Variants in EVC observed in about 807,000 individuals in gnomAD.
EVC encodes the protein evC complex member EVC.
A neutral mutation model predicts 118.9 loss-of-function variants in EVC; 116 were observed. The ratio of observed to expected loss-of-function variants is 0.98; its 90% confidence interval spans 0.84 to 1.14. The LOEUF (loss-of-function observed/expected upper bound fraction) is 1.14, where lower values mean the gene tolerates loss of function less well. Among genes scored for constraint, EVC ranks in the 50% most tolerant of loss-of-function variants. EVC has a pLI of 0.00. For synonymous variants in EVC, 619 were observed against 534.7 expected (o/e 1.16, Z -2.18); for missense variants, 1,401 against 1,246.4 (o/e 1.12, Z -1.87).
rs1306063979 is a variant in EVC, at chr4:5,798,015, C to A, written c.2098-571C>A. Among the ~76,000 whole-genome samples, 1 of 152,180 alleles carries A rather than the reference C, an allele frequency of 6.6e-6. No individual in the cohort carries two copies. Among genetic ancestry groups the A allele is most frequent in the Non-Finnish European group, 1.5e-5 (1 of 68,030 alleles). On this transcript the variant is annotated intron_variant, in intron 14 of 20. Coordinates refer to ENST00000264956, the MANE Select transcript of EVC (RefSeq NM_153717.3). This position sits in a 1 kb window ranked among gnomAD's most constrained non-coding sequence, Gnocchi z 4.1. The stretch of plus-strand genomic sequence containing the variant: ...CTGGGAGCAGCTGCTGCTCTTTGAC[C>A]CATGAATGAGGCACAAGCCCACAGT...
rs1732323490 is a variant in EVC, at chr4:5,763,115, A to AGCTAGCCAATTTTCCCAGC, written c.1563+6753_1563+6754insGCTAGCCAATTTTCCCAGC. Among the ~76,000 whole-genome samples the AGCTAGCCAATTTTCCCAGC allele has an allele frequency of 5.3e-5, 4 of 75,648 alleles. 1 individual carries two copies. The highest frequency in any genetic ancestry group is 2.3e-4 in the African/African-American group (4 of 17,662). 49.6% of individuals were successfully genotyped at this position (75,648 alleles called of 152,430 possible). A position where few individuals can be genotyped will look rare whatever the true frequency, so the allele number is the denominator to read the frequency against. On this transcript the variant is annotated intron_variant, in intron 11 of 20. Coordinates refer to ENST00000264956, the MANE Select transcript of EVC (RefSeq NM_153717.3). ...GGAAGGCATCCAGTTTCAGCTTTCT[A>AGCTAGCCAATTTTCCCAGC]CATATGGCTAGCCAATTTTCCCAGC...
At chr4:5,810,484 T>C in intron 20 of EVC, 34 bp downstream of exon 20, 1 of 1,549,996 alleles carries the variant, frequency 6.5e-7, no homozygotes, top group East Asian at 2.3e-5. Context: ...TGCCTGTGGC[T>C]GGGTTTGGTA....
intron 13 of EVC, among the ~76,000 whole-genome samples, chr4:5,794,024 C>T (rs991878434): frequency 2.0e-5 from 3 of 151,758 alleles, no homozygotes; most frequent in African/African-American, 7.3e-5. Context: ...CCCATCACCA[C>T]AATCCAAATT....
intron 1 of EVC, among the ~76,000 whole-genome samples, chr4:5,716,126 T>C (rs1198752824): frequency 3.9e-5 from 6 of 152,196 alleles, no homozygotes; most frequent in African/African-American, 1.2e-4. Context: ...TGAGGTTTTA[T>C]AGTGGTAAAA....
intron 15 of EVC, among the ~76,000 whole-genome samples, chr4:5,799,298 A>C (rs1028620679): frequency 3.3e-5 from 5 of 152,184 alleles, no homozygotes; most frequent in African/African-American, 1.2e-4. Context: ...AATAATCATA[A>C]ATAATAGTGA....
rs951586121 is a variant in EVC, at chr4:5,746,926, G to A, written c.940-1222G>A. 6.6e-6 allele frequency among the ~76,000 whole-genome samples: 1 copy of A among 152,144 alleles called. No homozygotes were observed. The highest frequency in any genetic ancestry group is 1.5e-5 in the Non-Finnish European group (1 of 68,028). ...ATGTCATGGACGCCAAGAGAATCAG[G>A]AGTTTGTAAGCAGAGCGGGCTGTGT... On this transcript the variant is annotated intron_variant, in intron 7 of 20. Transcript: ENST00000264956. The surrounding 1 kb of genome is among the most constrained non-coding windows in gnomAD (Gnocchi z 5.8).
At chr4:5,757,148 G>T (rs1414854418) in intron 11 of EVC, among the ~76,000 whole-genome samples, 1 of 152,192 alleles carries the variant, frequency 6.6e-6, no homozygotes, top group Non-Finnish European at 1.5e-5. Context: ...GTGCTAGGAG[G>T]ACTGTGTTTG....
intron 5 of EVC, among the ~76,000 whole-genome samples, chr4:5,736,700 T>C (rs547652103): frequency 2.0e-5 from 3 of 152,300 alleles, no homozygotes; most frequent in Non-Finnish European, 2.9e-5. Context: ...TTTGACGTTA[T>C]GATTGTAATT....
Position 5,798,782 on chromosome 4 carries a change from A to T in EVC, c.2294A>T (p.Asp765Val). Residue 765 changes from aspartate to valine, a missense_variant, in exon 15 of 21, where the codon GAT (aspartate) becomes GTT (valine). Asp to Val is a radical substitution (Grantham distance 152, BLOSUM62 -3). Transcript: ENST00000264956. This position sits in a 1 kb window ranked among gnomAD's most constrained non-coding sequence, Gnocchi z 4.1. ...AATKSRAKDR[D>V]DFKRTLMEAA... ...ACCAAGAGCCGGGCCAAGGACAGGG[A>T]TGACTTCAAGGTATGCACTGACCTC... is the stretch of plus-strand genomic sequence containing the variant. 1 of 1,610,836 alleles carries T rather than the reference A, an allele frequency of 6.2e-7. No individual in the cohort carries two copies. The highest frequency in any genetic ancestry group is 8.5e-7 in the Non-Finnish European group (1 of 1,179,890).
chr4:5,732,363 C>T (rs905346231), intron 4 of EVC, among the ~76,000 whole-genome samples: 1 of 152,234 alleles, frequency 6.6e-6, no homozygotes, highest in African/African-American at 2.4e-5. Flanking sequence ...GCTGCAGAAA[C>T]ACTGGGCTCA....
At position 5,779,973 on chromosome 4, in the gene EVC, T is replaced by G. The variant is rs200272147; in HGVS notation, c.1564-3579T>G. ...TGCCCATTCAGTGTGATATTGGCTG[T>G]GGGTTTGTCATAGATAGCTCTTATT... is the stretch of plus-strand genomic sequence containing the variant. On this transcript the variant is annotated intron_variant, in intron 11 of 20. Coordinates refer to ENST00000264956, the MANE Select transcript of EVC (RefSeq NM_153717.3). Among the ~76,000 whole-genome samples, 844 of 151,890 alleles carry G rather than the reference T, an allele frequency of 5.6e-3. 8 individuals are homozygous for G. Among genetic ancestry groups the G allele is most frequent in the East Asian group, 0.046 (235 of 5,140 alleles).
chr4:5,712,135 C>A (rs541608955), intron 1 of EVC, among the ~76,000 whole-genome samples: 1 of 152,188 alleles, frequency 6.6e-6, no homozygotes, highest in Non-Finnish European at 1.5e-5. Flanking sequence ...TGCAAGTTTG[C>A]AAGTAAACTA....
chr4:5,774,229 T>C (rs1189969608), intron 11 of EVC, among the ~76,000 whole-genome samples: 2 of 151,320 alleles, frequency 1.3e-5, no homozygotes, highest in Non-Finnish European at 2.9e-5. Flanking sequence ...TCTCCCCTCC[T>C]CCTGCTTGCC....
At chr4:5,800,883 C>G (rs1028635046) in intron 15 of EVC, among the ~76,000 whole-genome samples, 2 of 152,212 alleles carry the variant, frequency 1.3e-5, no homozygotes, top group African/African-American at 2.4e-5. Context: ...TGCTCAGGTA[C>G]CTTTCTCAGA....
intron 11 of EVC, among the ~76,000 whole-genome samples, chr4:5,771,322 A>G (rs1176594368): frequency 6.6e-6 from 1 of 152,092 alleles, no homozygotes; most frequent in East Asian, 1.9e-4. Context: ...TTCCATCTTC[A>G]GGGCCGGCTA....
At chr4:5,824,431 T>TC in the EVC span, 2 of 985,328 alleles carry the variant, frequency 2.0e-6, no homozygotes, top group Non-Finnish European at 2.4e-6. Flanking sequence ...ATCAGACACT[T>TC]CCTGAATGGA....
In EVC at chr4:5,808,298, C is replaced by T. The variant is rs767937586; in HGVS notation, c.2659C>T (p.Leu887=). The change falls in exon 18 of 21, where the codon CTG becomes TTG. Residue 887 remains leucine, a synonymous_variant. Coordinates refer to ENST00000264956, the MANE Select transcript of EVC (RefSeq NM_153717.3). ...QQQQAGVMDL[L]EAQLETQLQE... ...GCAGCAGGCAGGAGTCATGGACCTT[C>T]TGGAAGCCCAGCTGGAGACCCAGCT... is the stretch of plus-strand genomic sequence containing the variant. The T allele has an allele frequency of 2.5e-6, 4 of 1,614,078 alleles. No individual in the cohort carries two copies. The South Asian group carries it at 3.3e-5, about 13-fold the overall frequency.
At chr4:5,768,244 A>T (rs1188294033) in intron 11 of EVC, among the ~76,000 whole-genome samples, 2 of 152,134 alleles carry the variant, frequency 1.3e-5, no homozygotes, top group Non-Finnish European at 2.9e-5. Context: ...ACAGGAAATC[A>T]CCAGCATGTT....
At position 5,814,280 on chromosome 4, in the gene EVC, C is replaced by G. The variant is rs2152403382; in HGVS notation, c.*3243C>G. 6.6e-6 allele frequency: 1 copy of G among 152,374 alleles called. No homozygotes were observed. Among genetic ancestry groups the G allele is most frequent in the South Asian group, 2.1e-4 (1 of 4,832 alleles). 9.4% of individuals were successfully genotyped at this position (152,374 alleles called of 1,614,324 possible). On this transcript the variant is annotated 3_prime_UTR_variant, in exon 21 of 21. Coordinates refer to ENST00000264956, the MANE Select transcript of EVC (RefSeq NM_153717.3). ...GAGAGATGATGTATTATGATGAACT[C>G]ATGATTTAATTCTTTGGTGAAAATA...
Sources: allele counts gnomAD v4.1 joint callset (sites outside exome capture counted in the v4.1 genomes callset), GRCh38; gene constraint gnomAD v4.1.1; non-coding constraint Gnocchi (gnomAD v3.1); transcripts MANE v1.5; gene names NCBI Gene and HGNC (gene_info 2026-07-23, HGNC 2026-07-21).